Variants in PANK2 observed in about 807,000 individuals in gnomAD.
PANK2 encodes the protein pantothenate kinase 2.
A neutral mutation model predicts 43.1 loss-of-function variants in PANK2; 36 were observed. The observed-to-expected ratio is 0.84, with a 90% confidence interval of 0.64 to 1.10. The LOEUF is 1.10. PANK2 is among the 50% of genes least tolerant of loss of function. PANK2 has a pLI of 0.00. For missense variants in PANK2, 576 were observed against 593.3 expected (o/e 0.97, Z 0.30); for synonymous variants, 281 against 238.2 (o/e 1.18, Z -1.66).
chr20:3,889,137 T>C (rs971003044), upstream of PANK2: 29 of 1,565,072 alleles, frequency 1.9e-5, no homozygotes, highest in East Asian at 7.1e-5. Context: ...ACGCGTCCAT[T>C]GGGCGGCGCC....
At chr20:3,910,303 T>G (rs1449281645) in intron 2 of PANK2, among the ~76,000 whole-genome samples, 2 of 150,632 alleles carry the variant, frequency 1.3e-5, no homozygotes, top group African/African-American at 2.4e-5. Context: ...TGGTTTTTTT[T>G]TTTTGTTTTT....
At chr20:3,904,695 C>G (rs6116086) in intron 1 of PANK2, among the ~76,000 whole-genome samples, 1 of 152,046 alleles carries the variant, frequency 6.6e-6, no homozygotes, top group Non-Finnish European at 1.5e-5. Context: ...ATCTGGCAAT[C>G]GTTTTTTAAT....
chr20:3,892,428 AACTAAG>A (rs2090137804), intron 1 of PANK2, among the ~76,000 whole-genome samples: 3 of 150,636 alleles, frequency 2.0e-5, no homozygotes, highest in African/African-American at 7.2e-5. Flanking sequence ...GAGAGAATTC[AACTAAG>A]ACTAAATCTT....
At chr20:3,913,981 G>A (rs1385638868) in intron 4 of PANK2, among the ~76,000 whole-genome samples, 8 of 151,498 alleles carry the variant, frequency 5.3e-5, no homozygotes, top group South Asian at 2.1e-4. Flanking sequence ...AGCAGAGATG[G>A]GGTTTCACTA....
chr20:3,912,930 C>CAAAAAA (rs71331078), intron 4 of PANK2, among the ~76,000 whole-genome samples: 3 of 71,482 alleles, frequency 4.2e-5, no homozygotes, highest in Admixed American at 2.1e-4. Flanking sequence ...GACTCTGTCT[C>CAAAAAA]AAAAAAAAAA....
At chr20:3,904,294 A>G (rs755111912) in intron 1 of PANK2, among the ~76,000 whole-genome samples, 16 of 151,124 alleles carry the variant, frequency 1.1e-4, no homozygotes, top group Non-Finnish European at 1.9e-4. Context: ...AATTTTGCCA[A>G]TTTTGGCTGG....
chr20:3,889,188 C>T (rs778955722), upstream of PANK2: 7 of 1,611,192 alleles, frequency 4.3e-6, no homozygotes, highest in Admixed American at 6.7e-5. Flanking sequence ...TCTCTTCCTC[C>T]GCGGAACCCG....
rs760044430 is a variant in PANK2 at position 3,889,498 on chromosome 20, T to A, written c.68T>A (p.Met23Lys). Residue 23 changes from methionine (M) to lysine (K), a missense_variant, in exon 1 of 7, where the codon ATG becomes AAG. Met to Lys is a moderately conservative substitution (Grantham distance 95). This residue lies in a region of PANK2 where 544 missense variants were observed against 528.9 expected (regional missense o/e 1.03). Transcript: ENST00000610179. ...GGAGGGGGCCGGCTCGGCGCGCCCA[T>A]GGAGCGCCACGGCAGGGCTTCCGCC... 4 of 1,468,996 alleles carry A rather than the reference T, an allele frequency of 2.7e-6. No homozygotes were observed. Among genetic ancestry groups the A allele is most frequent in the African/African-American group, 2.9e-5 (2 of 68,010 alleles). 91.0% of individuals were successfully genotyped at this position (1,468,996 alleles called of 1,614,324 possible).
chr20:3,908,837 TGTC>T (rs2146861479), intron 2 of PANK2: 1 of 159,346 alleles, frequency 6.3e-6, no homozygotes, highest in East Asian at 1.8e-4. Context: ...CTCGCCACCA[TGTC>T]TGGCCCCTGG....
In PANK2 at chr20:3,920,725, A is replaced by G. The variant is rs1173046163; in HGVS notation, c.1332+1929A>G. On this transcript the variant is annotated intron_variant, in intron 6 of 6. Coordinates refer to ENST00000610179, the MANE Select transcript of PANK2 (RefSeq NM_001386393.1). ...CTGGACGTGGTGGCACATACCTGTA[A>G]TCCCAGCTACTTGGGAGGCTGAGGT... Among the ~76,000 whole-genome samples the G allele has an allele frequency of 3.3e-5, 5 of 151,454 alleles. No homozygotes were observed. The South Asian group carries it at 8.3e-4, about 25-fold the overall frequency.
At position 3,912,433 on chromosome 20, in the gene PANK2, C is replaced by T. The variant is rs763631452; in HGVS notation, c.906-25C>T. ...TCTTATTTTTAAAAATGTTATAATA[C>T]TGTGTTAATTGTTTTTAATCATAGT... On this transcript the variant is annotated intron_variant, in intron 3 of 6. Transcript: ENST00000610179. 12 of 1,609,176 alleles carry T rather than the reference C, an allele frequency of 7.5e-6. No homozygotes were observed. The South Asian group carries it at 1.3e-4, about 18-fold the overall frequency.
In PANK2 at chr20:3,910,769, T is replaced by G; in HGVS notation, c.844T>G (p.Ser282Ala). The G allele has an allele frequency of 6.2e-7, 1 of 1,614,154 alleles. No homozygotes were observed. Among genetic ancestry groups the G allele is most frequent in the Non-Finnish European group, 8.5e-7 (1 of 1,180,020 alleles). The change falls in exon 3 of 7, where the codon TCA (serine) becomes GCA (alanine). Residue 282 changes from serine (S) to alanine (A), a missense_variant. Physicochemically the swap from Ser to Ala is moderately conservative, Grantham distance 99. Transcript: ENST00000610179. ...TCCTCTGCTTCTGGTGAACATTGGC[T>G]CAGGGGTTAGCATCTTAGCAGTATA... is the stretch of plus-strand genomic sequence containing the variant.
At chr20:3,918,916 GT>G in intron 6 of PANK2, 120 bp downstream of exon 6, 1 of 1,545,686 alleles carries the variant, frequency 6.5e-7, no homozygotes, top group Non-Finnish European at 8.9e-7. Context: ...TTTGTTTTTT[GT>G]TTTTTTGAGA....
rs536157309 is a variant in PANK2 at position 3,889,409 on chromosome 20, G to C, written c.-22G>C. 1.3e-5 allele frequency: 21 copies of C among 1,572,710 alleles called. No individual in the cohort carries two copies. In the African/African-American group the frequency reaches 1.3e-4, roughly 10 times the overall value. On this transcript the variant is annotated 5_prime_UTR_variant, in exon 1 of 7. Transcript: ENST00000610179. ...TCTGCTCTGGCTGGACTGCCGCGGA[G>C]GAGGCGAGAAGGAATCCGACGCTGG...
intron 1 of PANK2, among the ~76,000 whole-genome samples, chr20:3,895,719 T>C (rs1040024030): frequency 2.6e-5 from 4 of 152,162 alleles, no homozygotes; most frequent in South Asian, 2.1e-4. Context: ...GTGAAAACTT[T>C]TCTAAATTGC....
intron 1 of PANK2, among the ~76,000 whole-genome samples, chr20:3,898,623 T>G (rs1334156106): frequency 6.6e-6 from 1 of 152,110 alleles, no homozygotes; most frequent in Non-Finnish European, 1.5e-5. Flanking sequence ...TAAAAATAAA[T>G]TTTGTTTTGA....
intron 1 of PANK2, among the ~76,000 whole-genome samples, chr20:3,902,673 G>A (rs1016456828): frequency 2.0e-5 from 3 of 150,908 alleles, no homozygotes; most frequent in East Asian, 1.9e-4. Flanking sequence ...CTCCCATCTC[G>A]GCCTCCCAAA....
intron 3 of PANK2, among the ~76,000 whole-genome samples, chr20:3,911,196 CAT>C (rs111541098): frequency 2.8e-4 from 43 of 152,288 alleles, no homozygotes; most frequent in African/African-American, 6.7e-4. Flanking sequence ...CTTCCACACA[CAT>C]GTGTGTGTAG....
chr20:3,915,449 C>T (rs4542920), intron 4 of PANK2, among the ~76,000 whole-genome samples: 5,034 of 152,114 alleles, frequency 0.033, 275 homozygotes, highest in African/African-American at 0.11. Context: ...CAGTGCGTGC[C>T]GCCACACCCA....
Sources: gnomAD v4.1 joint callset for allele counts (sites outside exome capture counted in the v4.1 genomes callset) on GRCh38, gnomAD v4.1.1 for gene constraint, gnomAD v4.1.1 regional missense constraint, MANE v1.5 for transcripts, NCBI Gene and HGNC (gene_info 2026-07-23, HGNC 2026-07-21) for gene names.